CFAP95: variants seen among roughly 807,000 people sequenced by gnomAD.
The protein encoded by CFAP95 is cilia and flagella associated protein 95.
the CFAP95 span, among the ~76,000 whole-genome samples, chr9:69,836,057 T>C: frequency 5.8e-4 from 88 of 152,350 alleles, no homozygotes; most frequent in Middle Eastern, 6.8e-3. Context: ...GTTTTTCAGA[T>C]AGCTAAATCT....
the CFAP95 span, among the ~76,000 whole-genome samples, chr9:69,898,363 C>T: frequency 2.0e-5 from 3 of 152,174 alleles, no homozygotes; most frequent in Non-Finnish European, 2.9e-5. Context: ...CAGATCCCTG[C>T]ACCTCTCATT....
At chr9:69,894,462 GA>G in the CFAP95 span, among the ~76,000 whole-genome samples, 1 of 152,176 alleles carries the variant, frequency 6.6e-6, no homozygotes, top group South Asian at 2.1e-4. Context: ...GAGGACAGAA[GA>G]AATAAAGGGA....
chr9:69,905,141 A>C, the CFAP95 span, among the ~76,000 whole-genome samples: 3 of 152,200 alleles, frequency 2.0e-5, no homozygotes, highest in Admixed American at 2.0e-4. Flanking sequence ...GGACACTATT[A>C]AGGTTGAATA....
the CFAP95 span, among the ~76,000 whole-genome samples, chr9:69,823,694 G>T: frequency 6.6e-6 from 1 of 152,216 alleles, no homozygotes; most frequent in Non-Finnish European, 1.5e-5. Flanking sequence ...TCACCTGGGT[G>T]CAGGCGGGCT....
the CFAP95 span, among the ~76,000 whole-genome samples, chr9:69,850,992 C>T: frequency 6.6e-6 from 1 of 152,166 alleles, no homozygotes; most frequent in African/African-American, 2.4e-5. Flanking sequence ...CTGTCATTTC[C>T]AGACGTTTGG....
chr9:69,883,835 TTA>T, the CFAP95 span, among the ~76,000 whole-genome samples: 33 of 8,700 alleles, frequency 3.8e-3, no homozygotes, highest in Non-Finnish European at 7.5e-3. Flanking sequence ...AAAAAAACAA[TTA>T]AAAAAAAATC....
the CFAP95 span, among the ~76,000 whole-genome samples, chr9:69,846,952 C>T: frequency 6.6e-6 from 1 of 152,170 alleles, no homozygotes; most frequent in Non-Finnish European, 1.5e-5. Flanking sequence ...GGTTCTGTGC[C>T]TCTCTTTCTC....
At chr9:69,869,656 CTG>C in the CFAP95 span, among the ~76,000 whole-genome samples, 2 of 152,104 alleles carry the variant, frequency 1.3e-5, no homozygotes, top group Admixed American at 1.3e-4. Context: ...ATTAGCTTGA[CTG>C]TAGTAAAATC....
At chr9:69,900,818 T>C in the CFAP95 span, among the ~76,000 whole-genome samples, 15 of 152,102 alleles carry the variant, frequency 9.9e-5, no homozygotes, top group African/African-American at 3.1e-4. Flanking sequence ...CATCTGAGAG[T>C]TGATCTGTTT....
the CFAP95 span, among the ~76,000 whole-genome samples, chr9:69,860,017 G>A: frequency 6.6e-6 from 1 of 152,198 alleles, no homozygotes; most frequent in Non-Finnish European, 1.5e-5. Context: ...TGCTCTGGGT[G>A]AGTCCATGAG....
chr9:69,852,660 A>T, the CFAP95 span, among the ~76,000 whole-genome samples: 1 of 152,172 alleles, frequency 6.6e-6, no homozygotes, highest in Non-Finnish European at 1.5e-5. Flanking sequence ...AGCCTGTGGC[A>T]TCAGAGGGAA....
chr9:69,837,228 T>G, the CFAP95 span, among the ~76,000 whole-genome samples: 2 of 152,218 alleles, frequency 1.3e-5, no homozygotes, highest in Admixed American at 1.3e-4. Context: ...TGATTTATAG[T>G]CCTTTGGGTA....
the CFAP95 span, chr9:69,906,097 A>G: frequency 6.2e-7 from 1 of 1,612,002 alleles, no homozygotes; most frequent in Non-Finnish European, 8.5e-7. Context: ...TAAAACAGAA[A>G]CTCTATCCCT....
chr9:69,857,650 G>A, the CFAP95 span, among the ~76,000 whole-genome samples: 16 of 152,010 alleles, frequency 1.1e-4, no homozygotes, highest in African/African-American at 2.9e-4. Flanking sequence ...TCAGCCTCCC[G>A]AGTAGCTAGG....
At chr9:69,855,911 A>G in the CFAP95 span, among the ~76,000 whole-genome samples, 4 of 152,304 alleles carry the variant, frequency 2.6e-5, no homozygotes, top group Admixed American at 2.0e-4. Flanking sequence ...AGTCTTTCAG[A>G]TAAAGTAATG....
the CFAP95 span, among the ~76,000 whole-genome samples, chr9:69,860,461 C>T: frequency 2.6e-5 from 4 of 152,118 alleles, no homozygotes; most frequent in Admixed American, 6.5e-5. Flanking sequence ...CACCTCTCAT[C>T]GGACCCCACC....
chr9:69,889,712 T>G, the CFAP95 span, among the ~76,000 whole-genome samples: 3 of 152,142 alleles, frequency 2.0e-5, no homozygotes, highest in Non-Finnish European at 4.4e-5. Context: ...CTCAATGTAT[T>G]GTTTTTTGGG....
At chr9:69,870,467 AT>A in the CFAP95 span, among the ~76,000 whole-genome samples, 1 of 152,230 alleles carries the variant, frequency 6.6e-6, no homozygotes, top group Non-Finnish European at 1.5e-5. Context: ...GTCGTCAAGA[AT>A]TTGGATCTTT....
the CFAP95 span, among the ~76,000 whole-genome samples, chr9:69,849,703 T>A: frequency 2.1e-3 from 321 of 152,258 alleles, 1 homozygote; most frequent in African/African-American, 6.9e-3. Flanking sequence ...CTTGGCAGAA[T>A]CTGGAAACAT....
Sources: gnomAD v4.1 joint callset for allele counts (sites outside exome capture counted in the v4.1 genomes callset) on GRCh38, gnomAD v4.1.1 for gene constraint, MANE v1.5 for transcripts, NCBI Gene and HGNC (gene_info 2026-07-23, HGNC 2026-07-21) for gene names.